Variants in PGD observed in about 807,000 individuals in gnomAD.
The protein encoded by PGD is phosphogluconate dehydrogenase, also known as 6-phosphogluconate dehydrogenase, decarboxylating.
In PGD, 21 loss-of-function variants were observed where a neutral mutation model predicts 60.4. The observed-to-expected ratio is 0.35, with a 90% confidence interval of 0.25 to 0.50. PGD has a LOEUF of 0.50. PGD is among the 20% of genes least tolerant of loss of function. The probability of loss-of-function intolerance (pLI) is 0.98; values close to 1 mark genes in which losing one functional copy is unlikely to be tolerated. For synonymous variants in PGD, 230 were observed against 235.9 expected, an observed-to-expected ratio of 0.97 and a Z score of 0.23; for missense variants, 477 against 613.1, an observed-to-expected ratio of 0.78 and a Z score of 2.34.
At chr1:10,411,331 A>G (rs763468430) in intron 6 of PGD, 87 bp from the exon 7 acceptor site, 11 of 1,488,700 alleles carry the variant, frequency 7.4e-6, no homozygotes, top group Non-Finnish European at 1.0e-5. Context: ...TAGCCTTGCC[A>G]GGGATGTTGG....
chr1:10,418,975 T>A, intron 11 of PGD, 50 bp downstream of exon 11: 2 of 1,001,302 alleles, frequency 2.0e-6, no homozygotes, highest in Non-Finnish European at 3.1e-6. Context: ...CCTGGGGCCA[T>A]CAGTTGTGAT....
chr1:10,415,089 TAAA>T (rs34918542), intron 8 of PGD, among the ~76,000 whole-genome samples: 4 of 142,246 alleles, frequency 2.8e-5, no homozygotes, highest in Non-Finnish European at 4.6e-5. Context: ...AGACTCCGCC[TAAA>T]AAAAAAAAAA....
At chr1:10,399,265 C>A in intron 1 of PGD, 140 bp downstream of exon 1, 1 of 1,003,224 alleles carries the variant, frequency 1.0e-6, no homozygotes. Flanking sequence ...GACCCTGGCC[C>A]TACGGCGTCT....
chr1:10,404,173 G>A lies in PGD; in HGVS notation c.343G>A (p.Asp115Asn). 6.2e-7 allele frequency: 1 copy of A among 1,611,910 alleles called. No individual in the cohort carries two copies. Among genetic ancestry groups the A allele is most frequent in the Non-Finnish European group, 8.5e-7 (1 of 1,178,818 alleles). The change falls in exon 5 of 13, where the codon GAC becomes AAC. Residue 115 changes from aspartate (D) to asparagine (N), a missense_variant. Transcript: ENST00000270776. ...EYRDTTRRCR[D>N]LKAKGILFVG... ...TTCTGTCCTTCAGAGACGGTGCCGA[G>A]ACCTCAAGGCCAAGGGAATTTTATT...
In PGD at chr1:10,419,884, C is replaced by A; in HGVS notation, c.*135C>A. The stretch of plus-strand genomic sequence containing the variant: ...TGTTGTAAGAGACTCCTGAGGAAGA[C>A]ACACAGTTTATTTGTAAAGTAGCTC... On this transcript the variant is annotated 3_prime_UTR_variant, in exon 13 of 13. Coordinates refer to ENST00000270776, the MANE Select transcript of PGD (RefSeq NM_002631.4). 9.4e-7 allele frequency: 1 copy of A among 1,059,904 alleles called. No homozygotes were observed. The highest frequency in any genetic ancestry group is 2.1e-5 in the Admixed American group (1 of 48,172). The allele number at this position is 1,059,904 out of a possible 1,614,324, so 65.7% of individuals were successfully genotyped here.
At chr1:10,404,716 T>G (rs1404935379) in intron 5 of PGD, among the ~76,000 whole-genome samples, 3 of 152,110 alleles carry the variant, frequency 2.0e-5, no homozygotes, top group Non-Finnish European at 4.4e-5. Context: ...CCTTGGGTGG[T>G]CTCGAACTCC....
At chr1:10,404,077 G>A (rs775481338) in intron 4 of PGD, 84 bp from the exon 5 acceptor site, 167 of 943,104 alleles carry the variant, frequency 1.8e-4, no homozygotes, top group Non-Finnish European at 2.3e-4. Flanking sequence ...TCATTTATAA[G>A]GGAAACATTT....
intron 3 of PGD, among the ~76,000 whole-genome samples, 156 bp from the exon 4 acceptor site, chr1:10,402,915 T>G (rs772766657): frequency 6.6e-6 from 1 of 152,114 alleles, no homozygotes; most frequent in Non-Finnish European, 1.5e-5. Context: ...GAGTTCAGGG[T>G]TTCAGTGAGC....
rs1639652427 is a variant in PGD at position 10,419,480 on chromosome 1, A to G, written c.1273A>G (p.Thr425Ala). The G allele has an allele frequency of 1.2e-6, 2 of 1,614,002 alleles. No individual in the cohort carries two copies. Among genetic ancestry groups the G allele is most frequent in the Admixed American group, 3.3e-5 (2 of 60,000 alleles). The change falls in exon 12 of 13, where the codon ACT (threonine) becomes GCT (alanine). Residue 425 changes from threonine to alanine, a missense_variant. Physicochemically the swap from Thr to Ala is moderately conservative, Grantham distance 58. This residue lies in a region of PGD where 431 missense variants were observed against 556.6 expected (regional missense o/e 0.77). Transcript: ENST00000270776. ...TGGCATTCCCATGCCCTGTTTTACC[A>G]CTGCCCTCTCCTTCTATGACGGGTA... ...QAGIPMPCFT[T>A]ALSFYDGYRH...
At chr1:10,409,438 C>T (rs1179128639) in intron 6 of PGD, among the ~76,000 whole-genome samples, 1 of 152,006 alleles carries the variant, frequency 6.6e-6, no homozygotes, top group Non-Finnish European at 1.5e-5. Flanking sequence ...GACCTCTGTT[C>T]CCTGACAGTA....
intron 3 of PGD, among the ~76,000 whole-genome samples, chr1:10,400,783 T>G (rs190122549): frequency 2.6e-3 from 398 of 152,272 alleles, no homozygotes; most frequent in Non-Finnish European, 4.8e-3. Flanking sequence ...CTGAGAATAC[T>G]AACAGACATT....
In PGD at chr1:10,399,647, C is replaced by T. The variant is rs1397931576; in HGVS notation, c.27C>T (p.Ile9=). ...TCTCTAGAGCTGACATCGCGCTGAT[C>T]GGATTGGCCGTCATGGGCCAGAACT... MAQADIAL[I]GLAVMGQNLI... Residue 9 remains isoleucine (I), a synonymous_variant, in exon 2 of 13, where the codon ATC becomes ATT. Transcript: ENST00000270776. The T allele has an allele frequency of 3.1e-6, 5 of 1,613,868 alleles. No individual in the cohort carries two copies. The highest frequency in any genetic ancestry group is 1.3e-5 in the African/African-American group (1 of 74,944).
chr1:10,418,884 C>G lies in PGD; in HGVS notation c.1168C>G (p.Leu390Val). 6.2e-7 allele frequency: 1 copy of G among 1,612,488 alleles called. No individual in the cohort carries two copies. The highest frequency in any genetic ancestry group is 8.5e-7 in the Non-Finnish European group (1 of 1,178,578). Residue 390 changes from leucine (L) to valine (V), a missense_variant, in exon 11 of 13, where the codon CTA becomes GTA. Transcript: ENST00000270776. ...FDRNPELQNL[L>V]LDDFFKSAVE... is the part of the protein sequence containing the mutation. ...TCGAAACCCGGAACTTCAGAACCTC[C>G]TACTGGACGACTTCTTTAAGTCAGC...
At chr1:10,406,024 T>G (rs1639398905) in intron 5 of PGD, among the ~76,000 whole-genome samples, 1 of 151,998 alleles carries the variant, frequency 6.6e-6, no homozygotes, top group South Asian at 2.1e-4. Context: ...CAGCTAATTT[T>G]TTGTATTTTT....
At chr1:10,408,284 C>T (rs1344548408) in intron 6 of PGD, 144 bp downstream of exon 6, 11 of 657,584 alleles carry the variant, frequency 1.7e-5, no homozygotes, top group Admixed American at 4.7e-5. Flanking sequence ...GAATAGCCAA[C>T]GCCTAGAATG....
In PGD at chr1:10,419,414, C is replaced by T. The variant is rs769185191; in HGVS notation, c.1210-3C>T. On this transcript the variant is annotated splice_region_variant and splice_polypyrimidine_tract_variant and intron_variant, in intron 11 of 12. Transcript: ENST00000270776. ...AATCTCTGGCCGTGCGTTTTGTGCT[C>T]AGGACTCCTGGCGGCGGGCAGTCAG... 4 of 1,612,432 alleles carry T rather than the reference C, an allele frequency of 2.5e-6. No homozygotes were observed. In the South Asian group the frequency reaches 4.4e-5, roughly 18 times the overall value.
At chr1:10,405,922 C>T (rs1031030806) in intron 5 of PGD, among the ~76,000 whole-genome samples, 5 of 152,118 alleles carry the variant, frequency 3.3e-5, no homozygotes, top group Non-Finnish European at 7.4e-5. Flanking sequence ...GGCGCGATCT[C>T]TGCTCACTGC....
Position 10,399,620 on chromosome 1 carries a change from C to G in PGD, c.9-9C>G. On this transcript the variant is annotated splice_polypyrimidine_tract_variant and intron_variant, in intron 1 of 12. Transcript: ENST00000270776. Reference sequence around the variant, plus strand: ...GACTCTTTCCTTTGTTCTGTTTCTGCCTCTCTAGAGCTGACATCGCGCTGA... The same window carrying G: ...GACTCTTTCCTTTGTTCTGTTTCTGGCTCTCTAGAGCTGACATCGCGCTGA... 3 of 1,612,724 alleles carry G rather than the reference C, an allele frequency of 1.9e-6. No homozygotes were observed. Among genetic ancestry groups the G allele is most frequent in the Non-Finnish European group, 2.5e-6 (3 of 1,179,296 alleles).
chr1:10,410,569 G>A (rs926307485), intron 6 of PGD, among the ~76,000 whole-genome samples: 3 of 152,152 alleles, frequency 2.0e-5, no homozygotes, highest in African/African-American at 7.2e-5. Flanking sequence ...TCCTGGGCAG[G>A]TGTGTCCCTG....
Sources: gnomAD v4.1 joint callset for allele counts (sites outside exome capture counted in the v4.1 genomes callset) on GRCh38, gnomAD v4.1.1 for gene constraint, gnomAD v4.1.1 regional missense constraint, MANE v1.5 for transcripts, NCBI Gene and HGNC (gene_info 2026-07-23, HGNC 2026-07-21) for gene names.